The following MTO1 variants were observed in gnomAD, a reference collection of about 807,000 sequenced individuals.
MTO1 encodes the protein 5-taurinomethyluridine-[tRNA] synthase subunit MTO1, mitochondrial.
Under a neutral mutation model 71.6 loss-of-function variants are expected in MTO1, and 46 were observed. The ratio of observed to expected loss-of-function variants is 0.64; its 90% CI spans 0.51 to 0.82. The LOEUF (loss-of-function observed/expected upper bound fraction) is 0.82. MTO1 is among the 40% of genes least tolerant of loss of function. The probability of loss-of-function intolerance (pLI) is 0.00; values close to 1 mark genes in which losing one functional copy is unlikely to be tolerated. For synonymous variants in MTO1, 297 were observed against 312.1 expected (o/e 0.95, Z 0.51); for missense variants, 773 against 867.5 (o/e 0.89, Z 1.37).
At chr6:73,465,713 G>A (rs1180287477) in intron 1 of MTO1, among the ~76,000 whole-genome samples, 2 of 152,102 alleles carry the variant, frequency 1.3e-5, no homozygotes, top group Admixed American at 6.6e-5. Flanking sequence ...CAGGCCGGGC[G>A]CGGTGGCTCA....
intron 3 of MTO1, among the ~76,000 whole-genome samples, chr6:73,472,293 G>C (rs1326312467): frequency 6.6e-6 from 1 of 151,814 alleles, no homozygotes; most frequent in East Asian, 1.9e-4. Flanking sequence ...TTCATTACTT[G>C]TCCTTTTGGT....
chr6:73,508,640 CA>C lies in MTO1; in HGVS notation c.*7906del, dbSNP rs1561958544. 6.6e-6 allele frequency: 1 copy of C among 152,082 alleles called. No homozygotes were observed. Among genetic ancestry groups the C allele is most frequent in the African/African-American group, 2.4e-5 (1 of 41,396 alleles). The allele number at this position is 152,082 out of a possible 1,614,324, so 9.4% of individuals were successfully genotyped here. On this transcript the variant is annotated 3_prime_UTR_variant, in exon 12 of 12. Coordinates refer to ENST00000498286, the MANE Select transcript of MTO1 (RefSeq NM_012123.4). ...AGCTCTGAAGAAAAATACTGATGAG[CA>C]GTTATACAAAATGAGAAATTGAGTT...
At chr6:73,463,357 C>T (rs2150025441) in intron 1 of MTO1, among the ~76,000 whole-genome samples, 1 of 152,140 alleles carries the variant, frequency 6.6e-6, no homozygotes, top group South Asian at 2.1e-4. Flanking sequence ...ATCCTATATT[C>T]CTTCTGGGTT....
In MTO1 at chr6:73,473,386, CAG is replaced by C. The variant is rs1388810968; in HGVS notation, c.562_563del (p.Ser188CysfsTer61). ...TTAGTGGATGGAAGCACAGTATATGCAGAGAGTGTGATTCTGACTACTGGGAC... is the reference window on the plus strand; with the variant it reads ...TTAGTGGATGGAAGCACAGTATATGCAGAGTGTGATTCTGACTACTGGGAC... On this transcript the variant is annotated frameshift_variant, in exon 4 of 12. Transcript: ENST00000498286. LOFTEE classifies it high-confidence loss of function. 5.6e-6 allele frequency: 9 copies of C among 1,613,626 alleles called. No individual in the cohort carries two copies. Among genetic ancestry groups the C allele is most frequent in the East Asian group, 2.2e-5 (1 of 44,894 alleles).
Position 73,491,912 on chromosome 6 carries a change from C to T in MTO1, c.1638-322C>T, listed in dbSNP as rs558891166. 1.1e-3 allele frequency: 237 copies of T among 216,404 alleles called. 1 individual carries two copies. The highest frequency in any genetic ancestry group is 1.7e-3 in the Non-Finnish European group (177 of 105,080). The allele number at this position is 216,404 out of a possible 1,614,324, so 13.4% of individuals were successfully genotyped here. On this transcript the variant is annotated intron_variant, in intron 9 of 11. Coordinates refer to ENST00000498286, the MANE Select transcript of MTO1 (RefSeq NM_012123.4). ...GGTCAGGAGTTCGAGACCAGCCTGGCCAGCATGGTGAAACCCCGTCTCTAC... is the reference window on the plus strand; with the variant it reads ...GGTCAGGAGTTCGAGACCAGCCTGGTCAGCATGGTGAAACCCCGTCTCTAC...
At chr6:73,476,397 A>G (rs1392152364) in intron 4 of MTO1, among the ~76,000 whole-genome samples, 1 of 148,802 alleles carries the variant, frequency 6.7e-6, no homozygotes, top group African/African-American at 2.5e-5. Context: ...AAAAAAAAAA[A>G]GAAAGTTAAC....
At chr6:73,479,456 C>T (rs1561945165) in intron 4 of MTO1, among the ~76,000 whole-genome samples, 1 of 152,154 alleles carries the variant, frequency 6.6e-6, no homozygotes, top group African/African-American at 2.4e-5. Context: ...GATCACGCTA[C>T]TGCCCTCCAG....
chr6:73,482,269 T>C (rs1771524702), intron 8 of MTO1, 25 bp downstream of exon 8: 1 of 1,611,428 alleles, frequency 6.2e-7, no homozygotes, highest in South Asian at 1.1e-5. Context: ...AGTCCTGCAA[T>C]CCAGCCAGGC....
intron 7 of MTO1, chr6:73,481,183 A>T: frequency 4.7e-6 from 1 of 210,544 alleles, no homozygotes; most frequent in South Asian, 6.6e-5. Context: ...CAAACTCCTG[A>T]CCTCAGGTGA....
chr6:73,506,340 C>T lies in MTO1; in HGVS notation c.*5605C>T, dbSNP rs970313478. ...GGCTGTGTCCCCACCCAAATCTCAA[C>T]TTGAACTGTATCTCTCAGAATTCCC... On this transcript the variant is annotated 3_prime_UTR_variant, in exon 12 of 12. Transcript: ENST00000498286. 21 of 152,340 alleles carry T rather than the reference C, an allele frequency of 1.4e-4. 1 individual carries two copies. The highest frequency in any genetic ancestry group is 1.2e-3 in the Admixed American group (18 of 15,292). 9.4% of individuals were successfully genotyped at this position (152,340 alleles called of 1,614,324 possible). A position where few individuals can be genotyped will look rare whatever the true frequency, so the allele number is the denominator to read the frequency against.
chr6:73,477,013 G>A (rs1468771117), intron 4 of MTO1, among the ~76,000 whole-genome samples: 3 of 151,802 alleles, frequency 2.0e-5, no homozygotes, highest in Non-Finnish European at 4.4e-5. Flanking sequence ...GTTTTGAACT[G>A]CTGTTCTTAA....
chr6:73,477,050 G>A (rs1456708745), intron 4 of MTO1, among the ~76,000 whole-genome samples: 1 of 151,446 alleles, frequency 6.6e-6, no homozygotes, highest in East Asian at 2.0e-4. Context: ...GGCCTCCCAA[G>A]TGTTAGGATT....
At position 73,475,614 on chromosome 6, in the gene MTO1, G is replaced by A. The variant is rs571452581; in HGVS notation, c.825+1960G>A. On this transcript the variant is annotated intron_variant, in intron 4 of 11. Coordinates refer to ENST00000498286, the MANE Select transcript of MTO1 (RefSeq NM_012123.4). ...ACTGCAACATCCACCTCACGGGTTC[G>A]AGCAATTCTCCCGCCTCAGTCTCTT... Among the ~76,000 whole-genome samples the A allele has an allele frequency of 8.6e-5, 13 of 151,308 alleles. 1 individual carries two copies. Among genetic ancestry groups the A allele is most frequent in the African/African-American group, 2.7e-4 (11 of 41,224 alleles).
At position 73,502,895 on chromosome 6, in the gene MTO1, C is replaced by CAA. The variant is rs368546349; in HGVS notation, c.*2172_*2173dup. The CAA allele has an allele frequency of 0.065, 8,457 of 129,912 alleles. 299 individuals carry two copies. Among genetic ancestry groups the CAA allele is most frequent in the East Asian group, 0.19 (896 of 4,698 alleles). 8.0% of individuals were successfully genotyped at this position (129,912 alleles called of 1,614,324 possible). ...CTGGCAACAGAGTGAGACTCTGTCTCAAAAAAAAAAAAAGAAACAGGAAGT... is the reference window on the plus strand; with the variant it reads ...CTGGCAACAGAGTGAGACTCTGTCTCAAAAAAAAAAAAAAAGAAACAGGAAGT... On this transcript the variant is annotated 3_prime_UTR_variant, in exon 12 of 12. Transcript: ENST00000498286.
rs1258973041 is a variant in MTO1 at position 73,492,475 on chromosome 6, C to G, written c.1756+123C>G. On this transcript the variant is annotated intron_variant, in intron 10 of 11. Coordinates refer to ENST00000498286, the MANE Select transcript of MTO1 (RefSeq NM_012123.4). ...CTTCTGTGCTTTTCAAAAGTGTGGT[C>G]CTCAGCTAAGAGCATTGCAACACCT... 3 of 656,584 alleles carry G rather than the reference C, an allele frequency of 4.6e-6. No individual in the cohort carries two copies. In the East Asian group the frequency reaches 8.7e-5, roughly 19 times the overall value. 40.7% of individuals were successfully genotyped at this position (656,584 alleles called of 1,614,324 possible).
rs765385743 is a variant in MTO1 at position 73,497,157 on chromosome 6, C to CTTTTTTTTTTTTTTT, written c.1757-566_1757-565insTTTTTTTTTTTTTTT. ...TTTGCACTGACAGCGGAAGCAAATTCTTTTTTTTTTTTTGAGACAGAGTCT... is the reference window on the plus strand; with the variant it reads ...TTTGCACTGACAGCGGAAGCAAATTCTTTTTTTTTTTTTTTTTTTTTTTTTTTTGAGACAGAGTCT... On this transcript the variant is annotated intron_variant, in intron 10 of 11. Transcript: ENST00000498286. Among the ~76,000 whole-genome samples the CTTTTTTTTTTTTTTT allele has an allele frequency of 1.0e-3, 96 of 92,734 alleles. 12 individuals are homozygous for CTTTTTTTTTTTTTTT. Among genetic ancestry groups the CTTTTTTTTTTTTTTT allele is most frequent in the African/African-American group, 1.4e-3 (35 of 24,346 alleles). 60.8% of individuals were successfully genotyped at this position (92,734 alleles called of 152,430 possible).
intron 7 of MTO1, 69 bp from the exon 8 acceptor site, chr6:73,481,971 A>G: frequency 1.3e-6 from 2 of 1,520,426 alleles, no homozygotes; most frequent in South Asian, 1.1e-5. Flanking sequence ...GTTTCTGAGT[A>G]GTGTTCTGAA....
chr6:73,497,649 T>C lies in MTO1; in HGVS notation c.1757-87T>C, dbSNP rs1014775658. 5 of 1,380,296 alleles carry C rather than the reference T, an allele frequency of 3.6e-6. No homozygotes were observed. In the African/African-American group the frequency reaches 7.2e-5, roughly 20 times the overall value. The allele number at this position is 1,380,296 out of a possible 1,614,324, so 85.5% of individuals were successfully genotyped here. On this transcript the variant is annotated intron_variant, in intron 10 of 11. Coordinates refer to ENST00000498286, the MANE Select transcript of MTO1 (RefSeq NM_012123.4). ...ATGAGATGATGTACACAAAAGCTTT[T>C]TGTAAATTGTAAGAGGCTACATAAA...
At position 73,461,787 on chromosome 6, in the gene MTO1, CT is replaced by C. The variant is rs1582665757; in HGVS notation, c.-66del. ...GATGGCCGCGCCCTGCAGATTGTCT[CT>C]TGTTGCGTAAGTTTTTTTGACCGTC... is the stretch of plus-strand genomic sequence containing the variant. On this transcript the variant is annotated 5_prime_UTR_variant, in exon 1 of 12. An upstream open reading frame in the 5' UTR loses its in-frame stop. Transcript: ENST00000498286. The C allele has an allele frequency of 5.2e-6, 8 of 1,530,850 alleles. No individual in the cohort carries two copies. The East Asian group carries it at 1.8e-4, about 35-fold the overall frequency. 94.8% of individuals were successfully genotyped at this position (1,530,850 alleles called of 1,614,324 possible). A position where few individuals can be genotyped will look rare whatever the true frequency, so the allele number is the denominator to read the frequency against.
Sources: gnomAD v4.1 joint callset for allele counts (sites outside exome capture counted in the v4.1 genomes callset) on GRCh38, gnomAD v4.1.1 for gene constraint, MANE v1.5 for transcripts, NCBI Gene and HGNC (gene_info 2026-07-23, HGNC 2026-07-21) for gene names.